PCDHA3: variants seen among roughly 807,000 people sequenced by gnomAD.
The protein encoded by PCDHA3 is protocadherin alpha 3.
In PCDHA3, 41 loss-of-function variants were observed where a neutral mutation model predicts 62.2. That is an observed-to-expected ratio of 0.66 (90% CI 0.51 to 0.86). The LOEUF is 0.86. PCDHA3 is among the 40% of genes least tolerant of loss of function. PCDHA3 has a pLI of 0.00. For missense variants in PCDHA3, 1,304 were observed against 1,241.2 expected (o/e 1.05, Z -0.76); for synonymous variants, 640 against 555.4 (o/e 1.15, Z -2.14).
intron 1 of PCDHA3, chr5:140,808,421 G>T (rs1554124528): frequency 1.2e-6 from 2 of 1,614,156 alleles, no homozygotes; most frequent in Non-Finnish European, 1.7e-6. Flanking sequence ...GCTGGACAGT[G>T]CCCTGGACCG....
At chr5:140,951,071 C>T (rs246044) in intron 1 of PCDHA3, among the ~76,000 whole-genome samples, 86,232 of 151,532 alleles carry the variant, frequency 0.57, 25,208 homozygotes, top group African/African-American at 0.71. Flanking sequence ...CATTGGCTTT[C>T]TTATATTTTC....
intron 1 of PCDHA3, chr5:140,808,719 A>G: frequency 6.2e-7 from 1 of 1,612,162 alleles, no homozygotes; most frequent in Non-Finnish European, 8.5e-7. Flanking sequence ...GTTTCGGTGC[A>G]TGCGGAGAGC....
intron 1 of PCDHA3, chr5:140,823,624 G>A: frequency 1.2e-6 from 2 of 1,614,052 alleles, no homozygotes; most frequent in East Asian, 4.5e-5. Flanking sequence ...GCCTGGCAGT[G>A]CGCGCATCCC....
chr5:140,923,974 C>G (rs2081604148), intron 1 of PCDHA3, among the ~76,000 whole-genome samples: 1 of 152,212 alleles, frequency 6.6e-6, no homozygotes, highest in South Asian at 2.1e-4. Context: ...CCCACACATA[C>G]TATCCCTCTA....
chr5:140,887,236 A>G (rs575217506), intron 1 of PCDHA3, among the ~76,000 whole-genome samples: 53 of 151,920 alleles, frequency 3.5e-4, no homozygotes, highest in South Asian at 2.1e-3. Flanking sequence ...AGCTGAGACT[A>G]CCGGCGCCCG....
chr5:140,842,979 T>C (rs2150349093), intron 1 of PCDHA3: 1 of 1,594,876 alleles, frequency 6.3e-7, no homozygotes, highest in Non-Finnish European at 8.6e-7. Context: ...ACGCTGCAGG[T>C]GTTCGTGCTG....
At position 140,870,703 on chromosome 5, in the gene PCDHA3, G is replaced by C. The variant is rs899824906; in HGVS notation, c.2394+67112G>C. On this transcript the variant is annotated intron_variant, in intron 1 of 3. Coordinates refer to ENST00000522353, the MANE Select transcript of PCDHA3 (RefSeq NM_018906.3). ...GGAGCTGGAGCTGCTACAGTTCCAG[G>C]TGAGCGCGCGCGATGCGGGCGTGCC... is the stretch of plus-strand genomic sequence containing the variant. 6 of 1,613,034 alleles carry C rather than the reference G, an allele frequency of 3.7e-6. No homozygotes were observed. In the Admixed American group the frequency reaches 1.0e-4, roughly 27 times the overall value.
Position 140,969,016 on chromosome 5 carries a change from A to C in PCDHA3, c.2395-9933A>C. Reference sequence around the variant, plus strand: ...GTGGAGGCTTCTGTGGAGTAAGGGAAAGGTCCCCTGCAGAACTGTACAAAC... The same window carrying C: ...GTGGAGGCTTCTGTGGAGTAAGGGACAGGTCCCCTGCAGAACTGTACAAAC... On this transcript the variant is annotated intron_variant, in intron 1 of 3. Coordinates refer to ENST00000522353, the MANE Select transcript of PCDHA3 (RefSeq NM_018906.3). 6.2e-7 allele frequency: 1 copy of C among 1,614,172 alleles called. No homozygotes were observed. Among genetic ancestry groups the C allele is most frequent in the South Asian group, 1.1e-5 (1 of 91,072 alleles).
At position 140,802,807 on chromosome 5, in the gene PCDHA3, C is replaced by A. The variant is rs782135685; in HGVS notation, c.1610C>A (p.Ala537Glu). 14 of 1,613,322 alleles carry A rather than the reference C, an allele frequency of 8.7e-6. No individual in the cohort carries two copies. The East Asian group carries it at 1.3e-4, about 15-fold the overall frequency. Residue 537 changes from alanine to glutamate, a missense_variant, in exon 1 of 4, where the codon GCG (alanine) becomes GAG (glutamate). Coordinates refer to ENST00000522353, the MANE Select transcript of PCDHA3 (RefSeq NM_018906.3). ...ELELLQFQVS[A>E]RDAGVPPLGS... ...GAGCTGCTGCAGTTCCAGGTGAGTG[C>A]GCGCGATGCGGGCGTGCCGCCTCTG...
At chr5:140,825,158 G>A (rs1302823114) in intron 1 of PCDHA3, 2 of 151,148 alleles carry the variant, frequency 1.3e-5, no homozygotes, top group East Asian at 3.9e-4. Flanking sequence ...TTTTAATCTT[G>A]CTTTTTTCAT....
chr5:140,884,305 G>A (rs1223534357), intron 1 of PCDHA3: 2 of 1,613,602 alleles, frequency 1.2e-6, no homozygotes, highest in Non-Finnish European at 1.7e-6. Context: ...CACAGGCTTC[G>A]TCGAGGGCGT....
At chr5:140,941,019 C>T (rs569905763) in intron 1 of PCDHA3, among the ~76,000 whole-genome samples, 4 of 152,142 alleles carry the variant, frequency 2.6e-5, no homozygotes, top group East Asian at 1.9e-4. Context: ...TCCTATTTTC[C>T]TTCTGGCCTT....
chr5:140,875,409 A>C (rs2055459044), intron 1 of PCDHA3: 1 of 1,500,680 alleles, frequency 6.7e-7, no homozygotes, highest in African/African-American at 1.4e-5. Context: ...CTGCTCATAA[A>C]ATACCTCAGG....
At chr5:140,830,200 C>T (rs2150182679) in intron 1 of PCDHA3, 2 of 1,613,764 alleles carry the variant, frequency 1.2e-6, no homozygotes, top group Non-Finnish European at 1.7e-6. Flanking sequence ...TGATCATCGC[C>T]ATCTGCGCGG....
chr5:140,905,632 G>GCCA (rs2071986222), intron 1 of PCDHA3, among the ~76,000 whole-genome samples: 1 of 152,106 alleles, frequency 6.6e-6, no homozygotes, highest in South Asian at 2.1e-4. Flanking sequence ...TGACAGTATG[G>GCCA]TCAGTTTCAC....
At chr5:140,962,414 C>T (rs2095681226) in intron 1 of PCDHA3, among the ~76,000 whole-genome samples, 1 of 152,166 alleles carries the variant, frequency 6.6e-6, no homozygotes, top group African/African-American at 2.4e-5. Context: ...CCTGTCTCTC[C>T]CTTTTTATTG....
chr5:140,926,569 A>T (rs1245214494), intron 1 of PCDHA3: 1 of 261,750 alleles, frequency 3.8e-6, no homozygotes, highest in Admixed American at 5.3e-5. Context: ...CTGCTACTGG[A>T]GACAGCACCT....
chr5:140,828,200 G>A (rs2150152362), intron 1 of PCDHA3: 44 of 1,614,052 alleles, frequency 2.7e-5, no homozygotes, highest in Non-Finnish European at 3.6e-5. Context: ...CTCCGTACCC[G>A]AGGAGGCCAA....
In PCDHA3 at chr5:140,850,849, G is replaced by A. The variant is rs2150500367; in HGVS notation, c.2394+47258G>A. On this transcript the variant is annotated intron_variant, in intron 1 of 3. Coordinates refer to ENST00000522353, the MANE Select transcript of PCDHA3 (RefSeq NM_018906.3). ...TCTCCTTGTGCTGGATCTACAGAGC[G>A]AACGGGAGAACCCTCTGCTTCCTCA... The A allele has an allele frequency of 8.1e-6, 13 of 1,596,194 alleles. 3 individuals are homozygous for A. Among genetic ancestry groups the A allele is most frequent in the East Asian group, 2.2e-5 (1 of 44,844 alleles).
Sources: gnomAD v4.1 joint callset for allele counts (sites outside exome capture counted in the v4.1 genomes callset) on GRCh38, gnomAD v4.1.1 for gene constraint, MANE v1.5 for transcripts, NCBI Gene and HGNC (gene_info 2026-07-23, HGNC 2026-07-21) for gene names.